The following ARHGEF3 variants were observed in gnomAD, a reference collection of about 807,000 sequenced individuals.
ARHGEF3 encodes the protein Rho guanine nucleotide exchange factor 3.
A neutral mutation model predicts 63.2 loss-of-function variants in ARHGEF3; 28 were observed. The ratio of observed to expected loss-of-function variants is 0.44; its 90% CI spans 0.33 to 0.61. ARHGEF3 has a LOEUF of 0.61. ARHGEF3 is among the 20% of genes least tolerant of loss of function. ARHGEF3 has a pLI of 0.03. For synonymous variants in ARHGEF3, 266 were observed against 254.2 expected (o/e 1.05, Z -0.44); for missense variants, 533 against 659.3 (o/e 0.81, Z 2.10).
At chr3:57,040,164 T>C (rs904590224) in intron 1 of ARHGEF3, among the ~76,000 whole-genome samples, 3 of 152,112 alleles carry the variant, frequency 2.0e-5, no homozygotes, top group Admixed American at 6.5e-5. Context: ...GTGTGTGCTA[T>C]CCAAGTCTGT....
chr3:56,795,490 C>G (rs980982929), intron 1 of ARHGEF3, among the ~76,000 whole-genome samples: 1 of 152,108 alleles, frequency 6.6e-6, no homozygotes, highest in Non-Finnish European at 1.5e-5. Context: ...CTTCAATTAA[C>G]TGAAATTTAC....
At chr3:56,861,187 G>A (rs766995868) in intron 4 of ARHGEF3, among the ~76,000 whole-genome samples, 6 of 152,226 alleles carry the variant, frequency 3.9e-5, no homozygotes, top group Non-Finnish European at 8.8e-5. Flanking sequence ...TGAAGCGCCT[G>A]TCACCAGTGA....
chr3:56,925,479 A>G (rs1350117615), intron 3 of ARHGEF3, among the ~76,000 whole-genome samples: 1 of 152,148 alleles, frequency 6.6e-6, no homozygotes, highest in Non-Finnish European at 1.5e-5. Flanking sequence ...ATTCTCTATC[A>G]TGATACCCTA....
At chr3:56,939,223 G>A (rs925401885) in intron 3 of ARHGEF3, among the ~76,000 whole-genome samples, 3 of 152,142 alleles carry the variant, frequency 2.0e-5, no homozygotes, top group African/African-American at 7.2e-5. Context: ...GACACAGGCA[G>A]AAAGAGAAAT....
At chr3:56,943,915 A>G (rs76551779) in intron 3 of ARHGEF3, among the ~76,000 whole-genome samples, 2 of 147,230 alleles carry the variant, frequency 1.4e-5, no homozygotes, top group African/African-American at 5.1e-5. Context: ...CTCCGACTCA[A>G]AAAAAAAAAA....
At chr3:56,884,584 A>G (rs1208158784) in intron 3 of ARHGEF3, among the ~76,000 whole-genome samples, 1 of 152,238 alleles carries the variant, frequency 6.6e-6, no homozygotes, top group Non-Finnish European at 1.5e-5. Flanking sequence ...TTAATCAGCC[A>G]TTTGGGAGGG....
chr3:57,037,601 G>A (rs1003214803), intron 1 of ARHGEF3, among the ~76,000 whole-genome samples: 7 of 152,168 alleles, frequency 4.6e-5, no homozygotes, highest in Non-Finnish European at 7.3e-5. Flanking sequence ...TAGGCTGGGC[G>A]CAGTGGCTCA....
intron 2 of ARHGEF3, among the ~76,000 whole-genome samples, chr3:56,773,187 A>G (rs1375704901): frequency 6.6e-6 from 1 of 152,226 alleles, no homozygotes; most frequent in Non-Finnish European, 1.5e-5. Flanking sequence ...TTATTTATGG[A>G]TACTGAAATT....
upstream of ARHGEF3, among the ~76,000 whole-genome samples, chr3:56,806,305 G>A (rs2037860082): frequency 1.3e-5 from 2 of 152,222 alleles, no homozygotes; most frequent in Admixed American, 6.5e-5. Flanking sequence ...TAGTGTCACA[G>A]TTGAGGGAAG....
At chr3:56,945,071 T>C (rs144176892) in intron 3 of ARHGEF3, among the ~76,000 whole-genome samples, 2 of 152,268 alleles carry the variant, frequency 1.3e-5, no homozygotes, top group African/African-American at 2.4e-5. Flanking sequence ...AAATCTTTCA[T>C]GAAAGGAAAG....
chr3:56,942,625 T>C (rs746590982), intron 3 of ARHGEF3, among the ~76,000 whole-genome samples: 26 of 152,164 alleles, frequency 1.7e-4, no homozygotes, highest in Non-Finnish European at 3.5e-4. Context: ...GAGTTGCCTA[T>C]CTCTCACTTT....
chr3:56,967,545 TTATGTACATTATATAA>T (rs1700600412), intron 2 of ARHGEF3, among the ~76,000 whole-genome samples: 2 of 86,124 alleles, frequency 2.3e-5, no homozygotes, highest in Non-Finnish European at 4.0e-5. Flanking sequence ...ATATTACATA[TTATGTACATTATATAA>T]TATATAATAT....
intron 4 of ARHGEF3, among the ~76,000 whole-genome samples, chr3:56,845,031 G>T (rs111605060): frequency 1.3e-5 from 2 of 152,326 alleles, no homozygotes; most frequent in Non-Finnish European, 2.9e-5. Flanking sequence ...ATGTTGAAAG[G>T]CCCATGTGGC....
chr3:56,863,580 G>A (rs2040149445), intron 4 of ARHGEF3, among the ~76,000 whole-genome samples: 1 of 152,150 alleles, frequency 6.6e-6, no homozygotes. Context: ...GATTATAGGT[G>A]TGAGCCACCA....
intron 2 of ARHGEF3, among the ~76,000 whole-genome samples, chr3:56,771,176 T>C (rs1332507002): frequency 1.3e-5 from 2 of 152,124 alleles, no homozygotes; most frequent in East Asian, 1.9e-4. Context: ...AATTTCCACA[T>C]GTCAGATCCT....
At chr3:56,977,637 A>T (rs1376466794) in intron 2 of ARHGEF3, among the ~76,000 whole-genome samples, 1 of 152,160 alleles carries the variant, frequency 6.6e-6, no homozygotes, top group Non-Finnish European at 1.5e-5. Context: ...GATGGGGCTC[A>T]TGGAGAGATG....
At chr3:56,802,065 G>A (rs1220686557), upstream of ARHGEF3, 3 of 1,272,634 alleles carry the variant, frequency 2.4e-6, no homozygotes, top group Non-Finnish European at 3.0e-6. Flanking sequence ...GTGCCGCAGC[G>A]CGGACACCTC....
chr3:56,814,819 A>G (rs916869997), intron 4 of ARHGEF3, among the ~76,000 whole-genome samples: 8 of 152,190 alleles, frequency 5.3e-5, no homozygotes, highest in African/African-American at 1.9e-4. Context: ...CAGAGTGAAG[A>G]GTGAACTGAC....
At chr3:56,963,092 T>A (rs894712426) in intron 2 of ARHGEF3, among the ~76,000 whole-genome samples, 1 of 151,908 alleles carries the variant, frequency 6.6e-6, no homozygotes, top group Non-Finnish European at 1.5e-5. Context: ...CTCCCTTTCT[T>A]GGTGGGGGAC....
Sources: allele counts gnomAD v4.1 joint callset (sites outside exome capture counted in the v4.1 genomes callset), GRCh38; gene constraint gnomAD v4.1.1; transcripts MANE v1.5; gene names NCBI Gene and HGNC (gene_info 2026-07-23, HGNC 2026-07-21).